Variants in DMRT1 observed in about 807,000 individuals in gnomAD.
The protein encoded by DMRT1 is doublesex- and mab-3-related transcription factor 1.
A neutral mutation model predicts 32.3 loss-of-function variants in DMRT1; 7 were observed. The observed-to-expected ratio is 0.22, with a 90% confidence interval of 0.12 to 0.41. DMRT1 has a LOEUF of 0.41. DMRT1 is among the 10% of genes least tolerant of loss of function. The pLI is 1.00. For synonymous variants in DMRT1, 278 were observed against 206.1 expected (o/e 1.35, Z -2.99); for missense variants, 625 against 500.5 (o/e 1.25, Z -2.37).
chr9:917,520 G>C (rs1936427314), intron 4 of DMRT1, among the ~76,000 whole-genome samples: 2 of 152,318 alleles, frequency 1.3e-5, no homozygotes, highest in African/African-American at 4.8e-5. Context: ...GGTCTTTACA[G>C]CTGCTGCGTT....
At chr9:916,005 T>C (rs898090626) in intron 3 of DMRT1, among the ~76,000 whole-genome samples, 6 of 152,160 alleles carry the variant, frequency 3.9e-5, no homozygotes, top group Non-Finnish European at 8.8e-5. Flanking sequence ...AGTGCTGGGA[T>C]TACAGACGTG....
intron 3 of DMRT1, among the ~76,000 whole-genome samples, chr9:915,723 T>G (rs1010005761): frequency 1.4e-4 from 21 of 152,070 alleles, no homozygotes; most frequent in African/African-American, 2.7e-4. Context: ...ATTTATTTAT[T>G]TGTTTTTTTT....
At position 942,105 on chromosome 9, in the gene DMRT1, C is replaced by T. The variant is rs192488137; in HGVS notation, c.967+25198C>T. ...TTAAGTGACATAGGTATGACAACAT[C>T]TTGGTATTTGAATAAAATTGCCCAT... On this transcript the variant is annotated intron_variant, in intron 4 of 4. Coordinates refer to ENST00000382276, the MANE Select transcript of DMRT1 (RefSeq NM_021951.3). 3.4e-3 allele frequency among the ~76,000 whole-genome samples: 523 copies of T among 152,268 alleles called. 4 individuals are homozygous for T. The highest frequency in any genetic ancestry group is 0.012 in the African/African-American group (502 of 41,544).
chr9:927,478 C>T (rs538098221), intron 4 of DMRT1, among the ~76,000 whole-genome samples: 10 of 152,154 alleles, frequency 6.6e-5, no homozygotes, highest in African/African-American at 9.7e-5. Context: ...TTGCCCGGCG[C>T]GGTGGCGTTT....
intron 4 of DMRT1, among the ~76,000 whole-genome samples, chr9:940,760 C>CA (rs1352317165): frequency 2.0e-5 from 3 of 152,162 alleles, no homozygotes; most frequent in African/African-American, 7.2e-5. Flanking sequence ...GCACAACCTT[C>CA]AGAATGGGAG....
intron 2 of DMRT1, among the ~76,000 whole-genome samples, chr9:892,991 C>G (rs566891137): frequency 6.6e-6 from 1 of 152,190 alleles, no homozygotes; most frequent in Non-Finnish European, 1.5e-5. Flanking sequence ...GCAGTTTTGT[C>G]CATGAATTTC....
At position 859,607 on chromosome 9, in the gene DMRT1, GA is replaced by G. The variant is rs1280336246; in HGVS notation, c.538+12468del. Among the ~76,000 whole-genome samples the G allele has an allele frequency of 7.2e-5, 11 of 152,282 alleles. No homozygotes were observed. In the South Asian group the frequency reaches 1.2e-3, roughly 17 times the overall value. The stretch of plus-strand genomic sequence containing the variant: ...AATTCGGTGTTTTTGAGTCTCCTAT[GA>G]AAATTCACATAAATATTGATTACTG... On this transcript the variant is annotated intron_variant, in intron 2 of 4. Transcript: ENST00000382276.
chr9:949,300 C>T (rs1038802465), intron 4 of DMRT1, among the ~76,000 whole-genome samples: 2 of 151,720 alleles, frequency 1.3e-5, no homozygotes, highest in East Asian at 1.9e-4. Context: ...CCCAGGAGTT[C>T]GAGACTGCAA....
chr9:932,947 C>A (rs914067645), intron 4 of DMRT1, among the ~76,000 whole-genome samples: 1 of 151,554 alleles, frequency 6.6e-6, no homozygotes, highest in Non-Finnish European at 1.5e-5. Context: ...GGGTTTTGCT[C>A]TGTCACCCAG....
At chr9:939,049 C>T (rs1029371493) in intron 4 of DMRT1, among the ~76,000 whole-genome samples, 1 of 152,258 alleles carries the variant, frequency 6.6e-6, no homozygotes, top group Non-Finnish European at 1.5e-5. Context: ...TGCCCCACTC[C>T]ATAGCCTTCT....
chr9:851,889 G>A (rs1338073970), intron 2 of DMRT1, among the ~76,000 whole-genome samples: 2 of 151,312 alleles, frequency 1.3e-5, no homozygotes, highest in Admixed American at 6.6e-5. Context: ...AAGAAATTCT[G>A]TTTATTGCTG....
At chr9:894,724 T>A (rs921630359) in intron 3 of DMRT1, 1 of 183,946 alleles carries the variant, frequency 5.4e-6, no homozygotes. Flanking sequence ...CGGTCACTGT[T>A]GAGCTGGACC....
intron 2 of DMRT1, among the ~76,000 whole-genome samples, chr9:891,894 T>C (rs1245949343): frequency 6.6e-6 from 1 of 152,200 alleles, no homozygotes; most frequent in Non-Finnish European, 1.5e-5. Flanking sequence ...CCTCAGTCCC[T>C]TCAGCAAATA....
At chr9:849,963 A>G (rs1397932407) in intron 2 of DMRT1, among the ~76,000 whole-genome samples, 1 of 152,134 alleles carries the variant, frequency 6.6e-6, no homozygotes, top group Non-Finnish European at 1.5e-5. Flanking sequence ...AGCTGGGATT[A>G]CAAGCATGCG....
chr9:893,809 C>A, intron 2 of DMRT1, 103 bp from the exon 3 acceptor site: 1 of 1,064,688 alleles, frequency 9.4e-7, no homozygotes. Flanking sequence ...TCTGCATATT[C>A]AGCTACCTTG....
chr9:880,534 C>G (rs916356140), intron 2 of DMRT1, among the ~76,000 whole-genome samples: 3 of 151,682 alleles, frequency 2.0e-5, no homozygotes, highest in African/African-American at 4.9e-5. Flanking sequence ...CGAGACCAGC[C>G]TGGCCAATAT....
chr9:960,677 G>A lies in DMRT1; in HGVS notation c.968-7308G>A, dbSNP rs147364972. ...GTGGCTGCTCCTGGCTGAGGGGTACGAGCTGGGCTTGGCCCAGCCTGACAG... is the reference window on the plus strand; with the variant it reads ...GTGGCTGCTCCTGGCTGAGGGGTACAAGCTGGGCTTGGCCCAGCCTGACAG... On this transcript the variant is annotated intron_variant, in intron 4 of 4. Transcript: ENST00000382276. Among the ~76,000 whole-genome samples, 720 of 152,300 alleles carry A rather than the reference G, an allele frequency of 4.7e-3. 11 individuals carry two copies. The highest frequency in any genetic ancestry group is 0.017 in the African/African-American group (704 of 41,560).
At chr9:900,140 G>T (rs10125312) in intron 3 of DMRT1, among the ~76,000 whole-genome samples, 109,989 of 151,374 alleles carry the variant, frequency 0.73, 40,608 homozygotes, top group Non-Finnish European at 0.81. Context: ...TTGATCCCTG[G>T]AGTTGGGGAT....
chr9:927,378 A>AT (rs1363020179), intron 4 of DMRT1, among the ~76,000 whole-genome samples: 1 of 152,204 alleles, frequency 6.6e-6, no homozygotes, highest in Non-Finnish European at 1.5e-5. Flanking sequence ...TCAGTGTGAA[A>AT]TACACCTCGC....
Sources: allele counts gnomAD v4.1 joint callset (sites outside exome capture counted in the v4.1 genomes callset), GRCh38; gene constraint gnomAD v4.1.1; transcripts MANE v1.5; gene names NCBI Gene and HGNC (gene_info 2026-07-23, HGNC 2026-07-21).